The following INCA1 variants were observed in gnomAD, a reference collection of about 807,000 sequenced individuals.
The protein encoded by INCA1 is protein INCA1.
A neutral mutation model predicts 25.7 loss-of-function variants in INCA1; 28 were observed. The observed-to-expected ratio is 1.09, with a 90% CI of 0.81 to 1.49. The LOEUF (loss-of-function observed/expected upper bound fraction) is 1.49, where lower values mean the gene tolerates loss of function less well. INCA1 is among the 40% of genes most tolerant of loss of function. The pLI, the probability that INCA1 is intolerant of heterozygous loss-of-function variation, is 0.00. For synonymous variants in INCA1, 111 were observed against 103.6 expected (o/e 1.07, Z -0.43); for missense variants, 309 against 290.9 (o/e 1.06, Z -0.45).
chr17:4,989,645 A>G (rs759162095), intron 4 of INCA1, 21 bp from the exon 5 acceptor site: 1 of 1,609,934 alleles, frequency 6.2e-7, no homozygotes, highest in East Asian at 2.2e-5. Context: ...GAATGGGGAA[A>G]AAGAGCTAGA....
chr17:4,993,571 C>G (rs892468774), intron 2 of INCA1, among the ~76,000 whole-genome samples: 12 of 151,250 alleles, frequency 7.9e-5, no homozygotes, highest in Middle Eastern at 3.2e-3. Context: ...TGGGTTCACG[C>G]CATTCTCCTG....
In INCA1 at chr17:4,990,378, T is replaced by C. The variant is rs1973789924; in HGVS notation, c.45-113A>G. On this transcript the variant is annotated intron_variant, in intron 2 of 6. Coordinates refer to ENST00000576820, the Ensembl canonical transcript of INCA1. ...GGACTATAAAGCTGCCCAGGTTCCC[T>C]CGGGCCATGTCCTCTCTTAACCACT... 3.3e-6 allele frequency: 4 copies of C among 1,198,970 alleles called. No individual in the cohort carries two copies. In the South Asian group the frequency reaches 6.3e-5, roughly 19 times the overall value. The allele number at this position is 1,198,970 out of a possible 1,614,324, so 74.3% of individuals were successfully genotyped here.
At chr17:4,994,445 C>G (rs371239957) in exon 2 of INCA1, 41 of 1,612,922 alleles carry the variant, frequency 2.5e-5, no homozygotes, top group Non-Finnish European at 3.1e-5. Flanking sequence ...CATGACTGGA[C>G]GGGGCTGGGT....
chr17:4,992,709 C>T (rs1178209763), intron 2 of INCA1, among the ~76,000 whole-genome samples: 1 of 147,038 alleles, frequency 6.8e-6, no homozygotes, highest in Admixed American at 6.8e-5. Context: ...TCCCTCCCTC[C>T]CTCCCTTCTT....
At chr17:4,993,626 AC>A (rs1216265343) in intron 2 of INCA1, among the ~76,000 whole-genome samples, 1 of 149,612 alleles carries the variant, frequency 6.7e-6, no homozygotes, top group Non-Finnish European at 1.5e-5. Flanking sequence ...CCGCCACCAC[AC>A]CCGGCTAATT....
intron 2 of INCA1, 89 bp from the exon 3 acceptor site, chr17:4,990,354 G>A (rs1973788414): frequency 1.4e-6 from 2 of 1,452,194 alleles, no homozygotes; most frequent in Non-Finnish European, 1.8e-6. Flanking sequence ...CTTTCCATGG[G>A]ACTATAAAGC....
chr17:4,988,842 C>T (rs1406923953), exon 6 of INCA1: 1 of 1,614,228 alleles, frequency 6.2e-7, no homozygotes. Flanking sequence ...TCTCCTCTTC[C>T]AGATCAGGGT....
chr17:4,994,555 G>T, intron 1 of INCA1, 80 bp from the exon 2 acceptor site: 1 of 1,043,806 alleles, frequency 9.6e-7, no homozygotes, highest in Non-Finnish European at 1.5e-6. Flanking sequence ...ACTTTTGGAG[G>T]CCAAGGCGGG....
At chr17:4,991,783 A>G (rs1973892419) in intron 2 of INCA1, among the ~76,000 whole-genome samples, 2 of 152,156 alleles carry the variant, frequency 1.3e-5, no homozygotes, top group South Asian at 4.1e-4. Flanking sequence ...GCTAAGACCA[A>G]AAACATGGTA....
intron 2 of INCA1, among the ~76,000 whole-genome samples, chr17:4,991,043 C>T (rs1597808835): frequency 1.3e-5 from 2 of 151,608 alleles, no homozygotes; most frequent in East Asian, 2.0e-4. Flanking sequence ...CTCAGCCTCC[C>T]GAGTAGCTGG....
intron 2 of INCA1, among the ~76,000 whole-genome samples, chr17:4,990,587 G>A (rs1973805752): frequency 6.6e-6 from 1 of 151,984 alleles, no homozygotes; most frequent in Non-Finnish European, 1.5e-5. Context: ...CACACATAAA[G>A]TACACTAACA....
chr17:4,988,487 A>G (rs1973528323), exon 7 of INCA1: 2 of 1,614,052 alleles, frequency 1.2e-6, no homozygotes, highest in African/African-American at 1.3e-5. Context: ...GAACGAGGCC[A>G]GAGAGTGCAG....
rs1597819146 is a variant in INCA1 at position 4,994,320 on chromosome 17, C to T, written c.44+74G>A. 4.3e-6 allele frequency: 6 copies of T among 1,388,648 alleles called. No individual in the cohort carries two copies. The East Asian group carries it at 6.9e-5, about 16-fold the overall frequency. The allele number at this position is 1,388,648 out of a possible 1,614,324, so 86.0% of individuals were successfully genotyped here. ...TTCCCGTTCTTTATTTCCTAATCCT[C>T]TTAGGGAAGGACCCAGGCATGCAAT... On this transcript the variant is annotated intron_variant, in intron 2 of 6. Transcript: ENST00000576820.
intron 1 of INCA1, among the ~76,000 whole-genome samples, chr17:4,994,918 T>C (rs1425961399): frequency 3.9e-5 from 6 of 151,950 alleles, no homozygotes; most frequent in Non-Finnish European, 7.4e-5. Flanking sequence ...AAAAGGTATT[T>C]GTAGCGGCTG....
At chr17:4,990,623 T>C (rs1412285576) in intron 2 of INCA1, among the ~76,000 whole-genome samples, 1 of 152,036 alleles carries the variant, frequency 6.6e-6, no homozygotes, top group Non-Finnish European at 1.5e-5. Flanking sequence ...GGCTCATGCC[T>C]GTAATCCCAG....
chr17:4,993,054 A>G (rs1013016891), intron 2 of INCA1, among the ~76,000 whole-genome samples: 22 of 145,838 alleles, frequency 1.5e-4, no homozygotes, highest in Admixed American at 7.6e-4. Flanking sequence ...TAATTTTTGT[A>G]TTTTTAGTAG....
chr17:4,994,987 C>A (rs1158534450), intron 1 of INCA1, among the ~76,000 whole-genome samples: 1 of 152,026 alleles, frequency 6.6e-6, no homozygotes, highest in Admixed American at 6.6e-5. Context: ...AGGCAGATCA[C>A]CTGAGGTTGG....
chr17:4,993,923 C>T (rs937947181), intron 2 of INCA1, among the ~76,000 whole-genome samples: 1 of 151,964 alleles, frequency 6.6e-6, no homozygotes, highest in Admixed American at 6.6e-5. Context: ...AGGCGAGCAC[C>T]ACCATGCCTG....
chr17:4,992,913 CTT>C (rs1197273869), intron 2 of INCA1, among the ~76,000 whole-genome samples: 1 of 151,698 alleles, frequency 6.6e-6, no homozygotes. Context: ...GTGTTTCACT[CTT>C]GTCGCCCAGG....
Sources: gnomAD v4.1 joint callset for allele counts (sites outside exome capture counted in the v4.1 genomes callset) on GRCh38, gnomAD v4.1.1 for gene constraint, MANE v1.5 for transcripts, NCBI Gene and HGNC (gene_info 2026-07-23, HGNC 2026-07-21) for gene names.